The following DAB1 variants were observed in gnomAD, a reference collection of about 807,000 sequenced individuals.
DAB1 encodes the protein DAB adaptor protein 1.
DAB1 carries 15 observed loss-of-function variants against 64.6 expected under a neutral mutation model. The observed-to-expected ratio is 0.23, with a 90% CI of 0.16 to 0.36. The LOEUF is 0.36. Among genes scored for constraint, DAB1 ranks in the 10% least tolerant of loss-of-function variants. The pLI, the probability that DAB1 is intolerant of heterozygous loss-of-function variation, is 1.00. For synonymous variants in DAB1, 235 were observed against 251.9 expected, an observed-to-expected ratio of 0.93 and a Z score of 0.64; for missense variants, 596 against 706.7, an observed-to-expected ratio of 0.84 and a Z score of 1.78.
At chr1:57,041,026 G>A (rs1394677638) in intron 9 of DAB1, among the ~76,000 whole-genome samples, 1 of 152,184 alleles carries the variant, frequency 6.6e-6, no homozygotes. Context: ...GGAGGGAGCT[G>A]AAATCAAGCA....
At chr1:57,984,220 G>GAA (rs1646145558) in intron 5 of DAB1, among the ~76,000 whole-genome samples, 3 of 142,872 alleles carry the variant, frequency 2.1e-5, no homozygotes, top group South Asian at 4.6e-4. Flanking sequence ...AAGAAAGAAA[G>GAA]AAAGAAAGAA....
intron 7 of DAB1, among the ~76,000 whole-genome samples, chr1:57,602,263 G>T (rs911992313): frequency 6.6e-6 from 1 of 152,036 alleles, no homozygotes; most frequent in African/African-American, 2.4e-5. Flanking sequence ...TCTGTATCTG[G>T]CATACCTATG....
At chr1:58,453,036 T>G (rs1265990513) in intron 3 of DAB1, among the ~76,000 whole-genome samples, 1 of 152,196 alleles carries the variant, frequency 6.6e-6, no homozygotes, top group African/African-American at 2.4e-5. Context: ...ACATTGCAGT[T>G]TATCCATACG....
At chr1:57,333,957 C>T (rs949791949) in intron 1 of DAB1, among the ~76,000 whole-genome samples, 14 of 152,084 alleles carry the variant, frequency 9.2e-5, no homozygotes, top group Non-Finnish European at 1.0e-4. Flanking sequence ...TTAGGAATAA[C>T]GGGACAGAGA....
At chr1:57,409,931 C>A (rs1558332019) in intron 1 of DAB1, among the ~76,000 whole-genome samples, 3 of 152,220 alleles carry the variant, frequency 2.0e-5, no homozygotes, top group Admixed American at 6.5e-5. Context: ...GTCCACCTCT[C>A]AACTACTCTC....
At chr1:57,251,703 T>A (rs1420624939) in intron 2 of DAB1, among the ~76,000 whole-genome samples, 1 of 152,240 alleles carries the variant, frequency 6.6e-6, no homozygotes, top group Admixed American at 6.5e-5. Context: ...TTTAACTTGC[T>A]TATTGAAATA....
At chr1:57,726,730 G>T (rs144559730) in intron 6 of DAB1, among the ~76,000 whole-genome samples, 1 of 152,096 alleles carries the variant, frequency 6.6e-6, no homozygotes, top group Non-Finnish European at 1.5e-5. Flanking sequence ...GAATTAAGCC[G>T]CAAAGAAGTT....
intron 1 of DAB1, chr1:58,539,117 TG>T: frequency 1.1e-6 from 1 of 872,992 alleles, no homozygotes; most frequent in Non-Finnish European, 2.0e-6. Context: ...AAACTCCACC[TG>T]TCACACTGAT....
intron 4 of DAB1, among the ~76,000 whole-genome samples, chr1:58,267,465 G>C (rs1318588278): frequency 6.6e-6 from 1 of 152,050 alleles, no homozygotes; most frequent in Non-Finnish European, 1.5e-5. Flanking sequence ...CATTCTTATA[G>C]TTCACGACCA....
intron 5 of DAB1, among the ~76,000 whole-genome samples, chr1:58,065,806 G>A (rs1648822253): frequency 6.6e-6 from 1 of 152,196 alleles, no homozygotes; most frequent in African/African-American, 2.4e-5. Context: ...GACAGTCTTG[G>A]CCAACCCTGA....
At chr1:57,002,905 A>T (rs1040095317) in intron 14 of DAB1, among the ~76,000 whole-genome samples, 6 of 152,206 alleles carry the variant, frequency 3.9e-5, no homozygotes, top group African/African-American at 1.4e-4. Flanking sequence ...AGGAGAAAAC[A>T]TGTTGATTGT....
intron 1 of DAB1, among the ~76,000 whole-genome samples, chr1:58,529,228 T>C (rs1007132252): frequency 1.3e-5 from 2 of 152,206 alleles, no homozygotes; most frequent in Non-Finnish European, 2.9e-5. Flanking sequence ...ATTTGTCTCA[T>C]AGAATTTTGC....
Position 57,671,581 on chromosome 1 carries a change from C to T in DAB1, n.552-21916G>A, listed in dbSNP as rs186424119. On this transcript the variant is annotated intron_variant and non_coding_transcript_variant, in intron 6 of 20. Transcript: ENST00000485760. Reference sequence around the variant, plus strand: ...CCTTTCACGAGGTGACTCCAGGCTGCCTTGTTGATCTTAACTGTAGACCAT... The same window carrying T: ...CCTTTCACGAGGTGACTCCAGGCTGTCTTGTTGATCTTAACTGTAGACCAT... Among the ~76,000 whole-genome samples, 10 of 152,154 alleles carry T rather than the reference C, an allele frequency of 6.6e-5. No homozygotes were observed. In the East Asian group the frequency reaches 1.9e-3, roughly 29 times the overall value.
chr1:58,249,517 T>G (rs1036352862), intron 4 of DAB1, among the ~76,000 whole-genome samples: 1 of 151,888 alleles, frequency 6.6e-6, no homozygotes. Flanking sequence ...GCGGGAGGGT[T>G]AAAATTACAG....
chr1:57,277,686 C>T (rs1018215591), intron 2 of DAB1, among the ~76,000 whole-genome samples: 1 of 152,182 alleles, frequency 6.6e-6, no homozygotes, highest in South Asian at 2.1e-4. Context: ...TGATCATTTT[C>T]CCAATGATAG....
At chr1:57,349,487 A>G (rs1678398750) in intron 1 of DAB1, among the ~76,000 whole-genome samples, 1 of 152,198 alleles carries the variant, frequency 6.6e-6, no homozygotes, top group Non-Finnish European at 1.5e-5. Context: ...AAGCTGTAGT[A>G]TCTTTTCTCC....
chr1:58,092,191 G>A (rs923845911), intron 5 of DAB1, among the ~76,000 whole-genome samples: 1 of 151,862 alleles, frequency 6.6e-6, no homozygotes, highest in Non-Finnish European at 1.5e-5. Flanking sequence ...AAAAAAATAG[G>A]TGGGTGTGGT....
At chr1:57,465,597 C>A (rs539003414) in intron 7 of DAB1, among the ~76,000 whole-genome samples, 32 of 152,272 alleles carry the variant, frequency 2.1e-4, no homozygotes, top group South Asian at 2.1e-3. Context: ...GTTTGAAATT[C>A]TTTTCAAAAG....
chr1:58,348,402 C>A (rs1219218583), intron 3 of DAB1, among the ~76,000 whole-genome samples: 1 of 151,988 alleles, frequency 6.6e-6, no homozygotes, highest in East Asian at 1.9e-4. Flanking sequence ...TCTCTAAATG[C>A]TGGAGAAATT....
Sources: gnomAD v4.1 joint callset for allele counts (sites outside exome capture counted in the v4.1 genomes callset) on GRCh38, gnomAD v4.1.1 for gene constraint, MANE v1.5 for transcripts, NCBI Gene and HGNC (gene_info 2026-07-23, HGNC 2026-07-21) for gene names.